The following SLC39A11 variants were observed in gnomAD, a reference collection of about 807,000 sequenced individuals.
The protein encoded by SLC39A11 is zinc transporter ZIP11.
In SLC39A11, 33 loss-of-function variants were observed where a neutral mutation model predicts 36.1. That is an observed-to-expected ratio of 0.91 (90% CI 0.69 to 1.22). SLC39A11 has a LOEUF of 1.22. SLC39A11 is among the 50% of genes most tolerant of loss of function. SLC39A11 has a pLI of 0.00. For synonymous variants in SLC39A11, 166 were observed against 170.3 expected, an observed-to-expected ratio of 0.97 and a Z score of 0.20; for missense variants, 432 against 430.3, an observed-to-expected ratio of 1.00 and a Z score of -0.03.
chr17:72,777,661 A>T (rs75882126), intron 6 of SLC39A11, among the ~76,000 whole-genome samples: 1 of 152,134 alleles, frequency 6.6e-6, no homozygotes. Flanking sequence ...TAGAGCCTTC[A>T]GGAGAAGCAT....
At chr17:72,857,614 C>T (rs2079715754) in intron 5 of SLC39A11, among the ~76,000 whole-genome samples, 1 of 152,206 alleles carries the variant, frequency 6.6e-6, no homozygotes, top group African/African-American at 2.4e-5. Flanking sequence ...ACAATGTATA[C>T]ATTTCCTTTT....
intron 5 of SLC39A11, among the ~76,000 whole-genome samples, chr17:72,900,110 A>AG (rs1253397914): frequency 0.015 from 1,813 of 118,730 alleles, 302 homozygotes; most frequent in African/African-American, 0.076. Flanking sequence ...AAAGAAAGAA[A>AG]AAGAAAGAAA....
intron 7 of SLC39A11, among the ~76,000 whole-genome samples, chr17:72,694,798 A>C (rs1345347114): frequency 1.3e-5 from 2 of 152,206 alleles, no homozygotes; most frequent in African/African-American, 4.8e-5. Flanking sequence ...GCTGACTGTC[A>C]TCCCAGGCTA....
intron 4 of SLC39A11, among the ~76,000 whole-genome samples, chr17:73,030,253 G>A (rs185688513): frequency 8.1e-4 from 123 of 152,350 alleles, no homozygotes; most frequent in Admixed American, 2.8e-3. Flanking sequence ...AGCGGTCCTT[G>A]GTCTGGGGGG....
chr17:72,907,557 T>C (rs975932707), intron 5 of SLC39A11, among the ~76,000 whole-genome samples: 1 of 152,182 alleles, frequency 6.6e-6, no homozygotes, highest in Non-Finnish European at 1.5e-5. Context: ...CTCCTGCCCA[T>C]GTGGAGCGGG....
At chr17:72,752,907 G>T (rs1277190427) in intron 6 of SLC39A11, among the ~76,000 whole-genome samples, 2 of 152,178 alleles carry the variant, frequency 1.3e-5, no homozygotes, top group African/African-American at 4.8e-5. Flanking sequence ...CCGGGCTGGA[G>T]TGCAATGGTG....
At chr17:72,900,053 A>AG in intron 5 of SLC39A11, among the ~76,000 whole-genome samples, 1 of 148,730 alleles carries the variant, frequency 6.7e-6, no homozygotes, top group Non-Finnish European at 1.5e-5. Context: ...AGAGAAAGAG[A>AG]AAGAAAGAAA....
chr17:72,702,103 C>T (rs980083911), intron 7 of SLC39A11, among the ~76,000 whole-genome samples: 2 of 127,696 alleles, frequency 1.6e-5, no homozygotes, highest in Non-Finnish European at 3.5e-5. Flanking sequence ...GAGACTCTGT[C>T]TCCATAAAAT....
chr17:72,877,886 G>A (rs749458547), intron 5 of SLC39A11, among the ~76,000 whole-genome samples: 14 of 151,396 alleles, frequency 9.2e-5, no homozygotes, highest in South Asian at 2.1e-4. Context: ...TGTTACATAC[G>A]TATACATGTG....
intron 6 of SLC39A11, among the ~76,000 whole-genome samples, chr17:72,809,462 C>T (rs900629710): frequency 6.6e-6 from 1 of 152,142 alleles, no homozygotes; most frequent in Admixed American, 6.5e-5. Flanking sequence ...CTCGACACTT[C>T]CTAGGGTTTA....
In SLC39A11 at chr17:73,001,236, C is replaced by A. The variant is rs561732236; in HGVS notation, c.306+30320G>T. 5.0e-5 allele frequency among the ~76,000 whole-genome samples: 7 copies of A among 140,212 alleles called. No individual in the cohort carries two copies. In the South Asian group the frequency reaches 1.9e-3, roughly 38 times the overall value. 92.0% of individuals were successfully genotyped at this position (140,212 alleles called of 152,430 possible). On this transcript the variant is annotated intron_variant, in intron 4 of 9. Transcript: ENST00000255559. ...TGATACCTTAGAGTTCTCTTTTTAC[C>A]CTAGCTAACAATTTTATTCCAGTTA...
At chr17:72,834,964 C>G (rs187476069) in intron 6 of SLC39A11, among the ~76,000 whole-genome samples, 2 of 152,332 alleles carry the variant, frequency 1.3e-5, no homozygotes, top group East Asian at 3.9e-4. Context: ...CAGGAGATGA[C>G]AGAATGTCTA....
chr17:72,688,210 C>T (rs765411773), intron 7 of SLC39A11, among the ~76,000 whole-genome samples: 5 of 152,276 alleles, frequency 3.3e-5, no homozygotes, highest in Admixed American at 6.5e-5. Flanking sequence ...TGCAGGCACC[C>T]GGCAGAACAA....
intron 6 of SLC39A11, 63 bp downstream of exon 6, chr17:72,849,571 A>T: frequency 1.4e-6 from 2 of 1,395,662 alleles, no homozygotes; most frequent in Non-Finnish European, 1.9e-6. Context: ...CAGCCAGACA[A>T]CTGTGCTGAC....
intron 5 of SLC39A11, among the ~76,000 whole-genome samples, chr17:72,931,807 C>T (rs1436819468): frequency 1.3e-5 from 2 of 152,156 alleles, no homozygotes; most frequent in Non-Finnish European, 2.9e-5. Flanking sequence ...CAAATGCTTA[C>T]GACTTCAGCT....
In SLC39A11 at chr17:72,835,425, T is replaced by C. The variant is rs1399626239; in HGVS notation, c.601+14209A>G. ...AGAGGAGGAGGTGGAGGGGAATTAA[T>C]GTTTTCCAGGTCCTGCTGTGTTCTA... is the stretch of plus-strand genomic sequence containing the variant. On this transcript the variant is annotated intron_variant, in intron 6 of 9. Transcript: ENST00000255559. Among the ~76,000 whole-genome samples the C allele has an allele frequency of 7.2e-5, 11 of 152,276 alleles. No homozygotes were observed. In the South Asian group the frequency reaches 2.3e-3, roughly 32 times the overall value.
intron 5 of SLC39A11, among the ~76,000 whole-genome samples, chr17:72,906,905 G>A (rs2082682797): frequency 6.6e-6 from 1 of 152,176 alleles, no homozygotes; most frequent in Non-Finnish European, 1.5e-5. Flanking sequence ...CCTGCCAGCA[G>A]TGCTCCTGGG....
intron 3 of SLC39A11, among the ~76,000 whole-genome samples, chr17:73,036,076 C>A (rs941405255): frequency 2.6e-5 from 4 of 152,156 alleles, no homozygotes; most frequent in African/African-American, 9.7e-5. Context: ...AGGAACCCAG[C>A]CCTGCTGCCA....
intron 4 of SLC39A11, among the ~76,000 whole-genome samples, chr17:72,954,662 T>G (rs1426967605): frequency 6.6e-6 from 1 of 152,220 alleles, no homozygotes; most frequent in Admixed American, 6.5e-5. Context: ...CGTAACACAA[T>G]CTTTTAAATT....
Sources: gnomAD v4.1 joint callset for allele counts (sites outside exome capture counted in the v4.1 genomes callset) on GRCh38, gnomAD v4.1.1 for gene constraint, MANE v1.5 for transcripts, NCBI Gene and HGNC (gene_info 2026-07-23, HGNC 2026-07-21) for gene names.